The following LRRC8A variants were observed in gnomAD, a reference collection of about 807,000 sequenced individuals.
LRRC8A encodes the protein volume-regulated anion channel subunit LRRC8A.
LRRC8A carries 24 observed loss-of-function variants against 52.5 expected under a neutral mutation model. That is an observed-to-expected ratio of 0.46 (90% CI 0.33 to 0.64). The LOEUF (loss-of-function observed/expected upper bound fraction) is 0.64, where lower values mean the gene tolerates loss of function less well. Ranked by LOEUF, LRRC8A falls within the 30% of genes least tolerant of loss-of-function variation. The pLI is 0.02. For missense variants in LRRC8A, 677 were observed against 1,094.7 expected, an observed-to-expected ratio of 0.62 and a Z score of 5.38; for synonymous variants, 492 against 494.2, an observed-to-expected ratio of 1.00 and a Z score of 0.06.
rs943104380 is a variant in LRRC8A at position 128,907,324 on chromosome 9, T to G, written c.160T>G (p.Cys54Gly). The part of the protein sequence containing the change: ...TLQVTQDKMI[C>G]LPCKWVTKDS... ...GCAGGTCACCCAAGACAAGATGATC[T>G]GCCTGCCTTGTAAGTGGGTCACCAA... is the stretch of plus-strand genomic sequence containing the variant. The change falls in exon 3 of 4, where the codon TGC (cysteine) becomes GGC (glycine). Residue 54 changes from cysteine to glycine, a missense_variant. Around this residue, in one of 4 missense-constraint regions of LRRC8A, gnomAD observed 32 missense variants for 86.0 expected, o/e 0.37. Transcript: ENST00000372600. The surrounding 1 kb of genome is among the most constrained non-coding windows in gnomAD (Gnocchi z 9.3). The G allele has an allele frequency of 1.2e-6, 2 of 1,613,866 alleles. No homozygotes were observed. The highest frequency in any genetic ancestry group is 1.7e-6 in the Non-Finnish European group (2 of 1,180,030).
At position 128,912,405 on chromosome 9, in the gene LRRC8A, G is replaced by A. The variant is rs145041682; in HGVS notation, c.2157+3084G>A. Among the ~76,000 whole-genome samples, 765 of 151,948 alleles carry A rather than the reference G, an allele frequency of 5.0e-3. 6 individuals are homozygous for A. The highest frequency in any genetic ancestry group is 0.015 in the African/African-American group (611 of 41,458). The stretch of plus-strand genomic sequence containing the variant: ...TGAAGAACGAGGAGGAGGAAGCCAG[G>A]TGGAGGGGAAAGGGACAGTCCAGGA... On this transcript the variant is annotated intron_variant, in intron 3 of 3. Transcript: ENST00000372600.
In LRRC8A at chr9:128,902,892, C is replaced by T. The variant is rs1292724587; in HGVS notation, c.-8-4265C>T. On this transcript the variant is annotated intron_variant, in intron 2 of 3. Transcript: ENST00000372600. This position sits in a 1 kb window ranked among gnomAD's most constrained non-coding sequence, Gnocchi z 4.1. Reference sequence around the variant, plus strand: ...CCTGGAGCTGCCAGCCCAGGGCGGGCGGTGGTGTCTGCTGGCCCCTTTGTG... The same window carrying T: ...CCTGGAGCTGCCAGCCCAGGGCGGGTGGTGGTGTCTGCTGGCCCCTTTGTG... Among the ~76,000 whole-genome samples the T allele has an allele frequency of 1.3e-5, 2 of 152,102 alleles. No individual in the cohort carries two copies. The highest frequency in any genetic ancestry group is 1.9e-4 in the East Asian group (1 of 5,190).
At chr9:128,904,630 T>G (rs1840160198) in intron 2 of LRRC8A, among the ~76,000 whole-genome samples, 2 of 152,238 alleles carry the variant, frequency 1.3e-5, no homozygotes, top group South Asian at 4.1e-4. Context: ...AGAGGATTGC[T>G]TGAGGCCAGG....
intron 2 of LRRC8A, among the ~76,000 whole-genome samples, chr9:128,893,172 A>T (rs1839691992): frequency 1.3e-5 from 2 of 151,952 alleles, no homozygotes. Context: ...TGAGCCTGGG[A>T]GGGTCTCTGA....
At position 128,899,308 on chromosome 9, in the gene LRRC8A, C is replaced by T. The variant is rs1395093915; in HGVS notation, c.-8-7849C>T. On this transcript the variant is annotated intron_variant, in intron 2 of 3. Transcript: ENST00000372600. The surrounding 1 kb of genome is among the most constrained non-coding windows in gnomAD (Gnocchi z 4.0). ...TTCCGTAAGGCAGAGATAGCCCAGC[C>T]ACCCCCACCCCACGCCTCAAAGGCT... 2.0e-5 allele frequency among the ~76,000 whole-genome samples: 3 copies of T among 152,098 alleles called. No homozygotes were observed. The highest frequency in any genetic ancestry group is 4.4e-5 in the Non-Finnish European group (3 of 68,020).
rs1251906740 is a variant in LRRC8A, at chr9:128,892,310, CCT to C, written c.-9+6196_-9+6197del. ...GCTGCACCTCCAGCCCCACCTGCTG[CCT>C]CTCTCTGCTTGGCTCCGGAGCTGCT... is the stretch of plus-strand genomic sequence containing the variant. On this transcript the variant is annotated intron_variant, in intron 2 of 3. Coordinates refer to ENST00000372600, the MANE Select transcript of LRRC8A (RefSeq NM_019594.4). The surrounding 1 kb of genome is among the most constrained non-coding windows in gnomAD (Gnocchi z 5.2). Among the ~76,000 whole-genome samples the C allele has an allele frequency of 1.3e-5, 2 of 152,130 alleles. No homozygotes were observed. The highest frequency in any genetic ancestry group is 6.5e-5 in the Admixed American group (1 of 15,280).
rs1839669117 is a variant in LRRC8A, at chr9:128,892,648, G to A, written c.-9+6527G>A. 6.6e-6 allele frequency among the ~76,000 whole-genome samples: 1 copy of A among 152,192 alleles called. No homozygotes were observed. The highest frequency in any genetic ancestry group is 2.4e-5 in the African/African-American group (1 of 41,452). ...CAGTGTCCGCCCTGGGGAGGGTGGA[G>A]GCTGTGTGTGCCAGACGAGGCTGAG... On this transcript the variant is annotated intron_variant, in intron 2 of 3. Coordinates refer to ENST00000372600, the MANE Select transcript of LRRC8A (RefSeq NM_019594.4). The surrounding 1 kb of genome is among the most constrained non-coding windows in gnomAD (Gnocchi z 5.2).
intron 3 of LRRC8A, among the ~76,000 whole-genome samples, chr9:128,910,716 G>A (rs7873751): frequency 1.3e-5 from 2 of 152,116 alleles, no homozygotes; most frequent in African/African-American, 4.8e-5. Flanking sequence ...CCCTGGAGCC[G>A]GCCATTGAAA....
rs1384456797 is a variant in LRRC8A, at chr9:128,892,702, A to T, written c.-9+6581A>T. Among the ~76,000 whole-genome samples, 1 of 152,178 alleles carries T rather than the reference A, an allele frequency of 6.6e-6. No individual in the cohort carries two copies. The highest frequency in any genetic ancestry group is 2.4e-5 in the African/African-American group (1 of 41,464). On this transcript the variant is annotated intron_variant, in intron 2 of 3. Transcript: ENST00000372600. The surrounding 1 kb of genome is among the most constrained non-coding windows in gnomAD (Gnocchi z 5.2). ...TCTCCTCCCACTCTGGCTCTGGGAC[A>T]GGGGAAGCACATGACCCATGGCCCG...
chr9:128,905,367 C>T (rs1414894688), intron 2 of LRRC8A, among the ~76,000 whole-genome samples: 2 of 152,156 alleles, frequency 1.3e-5, no homozygotes, highest in African/African-American at 2.4e-5. Flanking sequence ...GACAGCCATA[C>T]GTCTTTCATT....
In LRRC8A at chr9:128,916,399, C is replaced by A. The variant is rs376840917; in HGVS notation, c.*28C>A. 34 of 1,592,094 alleles carry A rather than the reference C, an allele frequency of 2.1e-5. No individual in the cohort carries two copies. In the African/African-American group the frequency reaches 4.4e-4, roughly 21 times the overall value. ...GAGGCCGGCCCAGCACAGCAAGCAG[C>A]AGGACCGCTGCCCAGTCCTCAGGCC... is the stretch of plus-strand genomic sequence containing the variant. On this transcript the variant is annotated 3_prime_UTR_variant, in exon 4 of 4. Transcript: ENST00000372600. The surrounding 1 kb of genome is among the most constrained non-coding windows in gnomAD (Gnocchi z 6.1).
In LRRC8A at chr9:128,917,885, TGTCC is replaced by T. The variant is rs1840895653; in HGVS notation, c.*1519_*1522del. ...GTCTTAATGATTATGTCCATCCGTC[TGTCC>T]GTCCATTTGTGTTTTCTGCGTCGTG... On this transcript the variant is annotated 3_prime_UTR_variant, in exon 4 of 4. Coordinates refer to ENST00000372600, the MANE Select transcript of LRRC8A (RefSeq NM_019594.4). 6.5e-6 allele frequency: 1 copy of T among 152,726 alleles called. No individual in the cohort carries two copies. Among genetic ancestry groups the T allele is most frequent in the South Asian group, 2.1e-4 (1 of 4,838 alleles). 9.5% of individuals were successfully genotyped at this position (152,726 alleles called of 1,614,324 possible).
chr9:128,894,081 A>C (rs186292736), intron 2 of LRRC8A, among the ~76,000 whole-genome samples: 1 of 151,988 alleles, frequency 6.6e-6, no homozygotes, highest in Non-Finnish European at 1.5e-5. Context: ...GGGTTTCGCC[A>C]TGTTGGCCAG....
In LRRC8A at chr9:128,908,767, A is replaced by C; in HGVS notation, c.1603A>C (p.Ile535Leu). 5 of 1,613,322 alleles carry C rather than the reference A, an allele frequency of 3.1e-6. No homozygotes were observed. The highest frequency in any genetic ancestry group is 4.2e-6 in the Non-Finnish European group (5 of 1,180,028). The change falls in exon 3 of 4, where the codon ATC becomes CTC. Residue 535 changes from isoleucine (I) to leucine (L), a missense_variant. This residue lies in a region of LRRC8A where 422 missense variants were observed against 741.5 expected (regional missense o/e 0.57). Transcript: ENST00000372600. ...CCTGAGCGCGGAGAACAACCGCTAC[A>C]TCGTCATCGACGGGCTGCGGGAGCT... Reference protein sequence around the residue: ...GNLSAENNRYIVIDGLRELKR... With the variant: ...GNLSAENNRYLVIDGLRELKR...
Position 128,893,154 on chromosome 9 carries a change from C to T in LRRC8A, c.-9+7033C>T, listed in dbSNP as rs115167627. Among the ~76,000 whole-genome samples, 349 of 152,262 alleles carry T rather than the reference C, an allele frequency of 2.3e-3. 1 individual carries two copies. The highest frequency in any genetic ancestry group is 7.3e-3 in the African/African-American group (305 of 41,552). On this transcript the variant is annotated intron_variant, in intron 2 of 3. Coordinates refer to ENST00000372600, the MANE Select transcript of LRRC8A (RefSeq NM_019594.4). ...AGAGCAGATGGCCAACTCTGCCACA[C>T]GGGGTCCTGAGCCTGGGAGGGTCTC...
intron 2 of LRRC8A, among the ~76,000 whole-genome samples, chr9:128,890,055 G>A (rs1001826975): frequency 2.0e-5 from 3 of 151,352 alleles, no homozygotes; most frequent in Non-Finnish European, 2.9e-5. Flanking sequence ...CACCCACCTC[G>A]GCCTCCCAAA....
At position 128,916,419 on chromosome 9, in the gene LRRC8A, CA is replaced by C; in HGVS notation, c.*49del. On this transcript the variant is annotated 3_prime_UTR_variant, in exon 4 of 4. Transcript: ENST00000372600. The surrounding 1 kb of genome is among the most constrained non-coding windows in gnomAD (Gnocchi z 6.1). ...AGCAGCAGGACCGCTGCCCAGTCCT[CA>C]GGCCCGGAGGGGCAGGCCTAGCTTC... 1 of 1,567,068 alleles carries C rather than the reference CA, an allele frequency of 6.4e-7. No individual in the cohort carries two copies. The highest frequency in any genetic ancestry group is 8.7e-7 in the Non-Finnish European group (1 of 1,154,998).
In LRRC8A at chr9:128,890,676, G is replaced by A. The variant is rs73669986; in HGVS notation, c.-9+4555G>A. Among the ~76,000 whole-genome samples the A allele has an allele frequency of 7.9e-3, 1,200 of 152,226 alleles. 14 individuals carry two copies. The highest frequency in any genetic ancestry group is 0.028 in the African/African-American group (1,148 of 41,532). ...TGTCAGACCCCCCAGTCCTCCCCCT[G>A]GCTCACCTAGGGCTTGGCCAGTGCC... is the stretch of plus-strand genomic sequence containing the variant. On this transcript the variant is annotated intron_variant, in intron 2 of 3. Transcript: ENST00000372600.
chr9:128,882,427 G>A (rs1839092950), intron 1 of LRRC8A, 177 bp downstream of exon 1: 1 of 319,196 alleles, frequency 3.1e-6, no homozygotes, highest in Non-Finnish European at 5.7e-6. Context: ...CCCAGTGCCC[G>A]GAGTCTCCGG....
Sources: allele counts gnomAD v4.1 joint callset (sites outside exome capture counted in the v4.1 genomes callset), GRCh38; gene constraint gnomAD v4.1.1; regional missense constraint gnomAD v4.1.1; non-coding constraint Gnocchi (gnomAD v3.1); transcripts MANE v1.5; gene names NCBI Gene and HGNC (gene_info 2026-07-23, HGNC 2026-07-21).